CREB5: variants seen among roughly 807,000 people sequenced by gnomAD.
CREB5 encodes cAMP responsive element binding protein 5.
Under a neutral mutation model 57.1 loss-of-function variants are expected in CREB5, and 19 were observed. The observed-to-expected ratio is 0.33, with a 90% confidence interval of 0.23 to 0.49. The LOEUF (loss-of-function observed/expected upper bound fraction) is 0.49. Ranked by LOEUF, CREB5 falls within the 20% of genes least tolerant of loss-of-function variation. The pLI, the probability that CREB5 is intolerant of heterozygous loss-of-function variation, is 0.99. For missense variants in CREB5, 579 were observed against 671.6 expected, an observed-to-expected ratio of 0.86 and a Z score of 1.52; for synonymous variants, 238 against 238.3, an observed-to-expected ratio of 1.00 and a Z score of 0.01.
intron 1 of CREB5, among the ~76,000 whole-genome samples, chr7:28,399,430 A>T (rs1787404525): frequency 6.6e-6 from 1 of 151,892 alleles, no homozygotes; most frequent in Non-Finnish European, 1.5e-5. Flanking sequence ...AAAAAAAAAA[A>T]AAAAAAGACA....
intron 1 of CREB5, among the ~76,000 whole-genome samples, chr7:28,382,364 G>A (rs887620): frequency 0.15 from 22,658 of 152,046 alleles, 2,163 homozygotes; most frequent in Non-Finnish European, 0.19. Flanking sequence ...AAACCATCTG[G>A]GTTTCACTTT....
intron 1 of CREB5, among the ~76,000 whole-genome samples, chr7:28,311,816 A>G (rs1785282631): frequency 6.6e-6 from 1 of 152,232 alleles, no homozygotes; most frequent in South Asian, 2.1e-4. Context: ...GTTGCTGACC[A>G]GAACCTTCTC....
chr7:28,818,083 A>G lies in CREB5; in HGVS notation c.1267A>G (p.Met423Val), dbSNP rs1343531182. 3.1e-6 allele frequency: 5 copies of G among 1,613,336 alleles called. No individual in the cohort carries two copies. The highest frequency in any genetic ancestry group is 4.2e-6 in the Non-Finnish European group (5 of 1,179,442). ...TNMQLQNEVS[M>V]LKNEVAQLKQ... ...ATATCTCTTTTAGAATGAAGTGTCT[A>G]TGTTGAAAAATGAGGTGGCCCAGCT... The change falls in exon 10 of 11, where the codon ATG becomes GTG. Residue 423 changes from methionine (M) to valine (V), a missense_variant. Coordinates refer to ENST00000357727, the MANE Select transcript of CREB5 (RefSeq NM_182898.4).
At chr7:28,712,668 G>T (rs1427620127) in intron 5 of CREB5, among the ~76,000 whole-genome samples, 1 of 151,086 alleles carries the variant, frequency 6.6e-6, no homozygotes, top group African/African-American at 2.4e-5. Context: ...CGAGTAGCTG[G>T]GATTACAGGT....
At chr7:28,794,923 T>G (rs1313919674) in intron 7 of CREB5, among the ~76,000 whole-genome samples, 2 of 152,124 alleles carry the variant, frequency 1.3e-5, no homozygotes, top group African/African-American at 4.8e-5. Context: ...AAAATAGAAA[T>G]AGCATGCCTG....
upstream of CREB5, chr7:28,409,751 C>G: frequency 2.7e-6 from 1 of 368,698 alleles, no homozygotes; most frequent in South Asian, 2.0e-5. The surrounding 1 kb of genome is among the most constrained non-coding windows in gnomAD (Gnocchi z 4.4). Flanking sequence ...TGCCGGAGCG[C>G]TCGGTGGCCG....
In CREB5 at chr7:28,795,807, C is replaced by T. The variant is rs375342878; in HGVS notation, c.703-8392C>T. Among the ~76,000 whole-genome samples, 33 of 145,126 alleles carry T rather than the reference C, an allele frequency of 2.3e-4. No individual in the cohort carries two copies. The East Asian group carries it at 6.2e-3, about 27-fold the overall frequency. ...TTGCTCTGTTGCCCAGGCTGGAGTG[C>T]AGTGGCATGATCTCGGCTCACTGCA... is the stretch of plus-strand genomic sequence containing the variant. On this transcript the variant is annotated intron_variant, in intron 7 of 10. Coordinates refer to ENST00000357727, the MANE Select transcript of CREB5 (RefSeq NM_182898.4).
chr7:28,633,405 A>C (rs1244384615), intron 5 of CREB5, among the ~76,000 whole-genome samples: 4 of 152,104 alleles, frequency 2.6e-5, no homozygotes, highest in African/African-American at 9.7e-5. Flanking sequence ...GTGTGTAATG[A>C]AATATAGAAA....
chr7:28,782,856 C>A (rs937566219), intron 7 of CREB5, among the ~76,000 whole-genome samples: 2 of 152,178 alleles, frequency 1.3e-5, no homozygotes, highest in Non-Finnish European at 2.9e-5. Context: ...TGCGGGGCGA[C>A]AGTCCAGGAG....
At chr7:28,457,909 T>TA (rs1790180853) in intron 1 of CREB5, among the ~76,000 whole-genome samples, 1 of 152,084 alleles carries the variant, frequency 6.6e-6, no homozygotes, top group Non-Finnish European at 1.5e-5. Flanking sequence ...AGGTGGGGTG[T>TA]ACAAACAGGC....
At chr7:28,365,480 C>T (rs1786568351) in intron 1 of CREB5, among the ~76,000 whole-genome samples, 1 of 152,160 alleles carries the variant, frequency 6.6e-6, no homozygotes. Context: ...TGAACTCTTC[C>T]CATCAGCAAA....
At chr7:28,395,971 T>C (rs1173636054) in intron 1 of CREB5, among the ~76,000 whole-genome samples, 1 of 152,190 alleles carries the variant, frequency 6.6e-6, no homozygotes, top group Non-Finnish European at 1.5e-5. Flanking sequence ...AAGTCAGAAG[T>C]GTGATGCAGA....
intron 4 of CREB5, among the ~76,000 whole-genome samples, chr7:28,561,947 TGTTGGCCAG>T (rs1433914262): frequency 6.6e-6 from 1 of 152,224 alleles, no homozygotes; most frequent in Non-Finnish European, 1.5e-5. Flanking sequence ...GTTTTCGCCA[TGTTGGCCAG>T]GCTGGTCTTG....
intron 5 of CREB5, among the ~76,000 whole-genome samples, chr7:28,700,971 A>C (rs1267723307): frequency 6.6e-6 from 1 of 151,760 alleles, no homozygotes; most frequent in Admixed American, 6.6e-5. Context: ...AAAAAAAAAA[A>C]AAAAACAACC....
intron 5 of CREB5, among the ~76,000 whole-genome samples, chr7:28,620,650 G>A (rs1797758932): frequency 6.6e-6 from 1 of 152,112 alleles, no homozygotes; most frequent in Non-Finnish European, 1.5e-5. Flanking sequence ...TCCATAACTG[G>A]CCTCAGGCTC....
At chr7:28,806,058 G>A (rs186069129) in intron 8 of CREB5, among the ~76,000 whole-genome samples, 2 of 151,858 alleles carry the variant, frequency 1.3e-5, no homozygotes, top group East Asian at 3.9e-4. Context: ...ATTCACATTT[G>A]TACTTAGTTT....
intron 5 of CREB5, among the ~76,000 whole-genome samples, chr7:28,704,571 A>T (rs1014122495): frequency 1.3e-5 from 2 of 151,678 alleles, no homozygotes; most frequent in African/African-American, 4.9e-5. Flanking sequence ...TGATCCTCCC[A>T]CCTTAGCCTC....
chr7:28,787,358 G>C (rs917179076), intron 7 of CREB5, among the ~76,000 whole-genome samples: 2 of 152,210 alleles, frequency 1.3e-5, no homozygotes, highest in African/African-American at 2.4e-5. Context: ...TGCCAGACTA[G>C]TCCCTAGGGC....
chr7:28,301,317 T>C (rs762444370), intron 1 of CREB5, among the ~76,000 whole-genome samples: 6 of 152,302 alleles, frequency 3.9e-5, no homozygotes, highest in Middle Eastern at 3.4e-3. Context: ...GAGCAAACTT[T>C]AGTGTTGACC....
Sources: allele counts gnomAD v4.1 joint callset (sites outside exome capture counted in the v4.1 genomes callset), GRCh38; gene constraint gnomAD v4.1.1; non-coding constraint Gnocchi (gnomAD v3.1); transcripts MANE v1.5; gene names NCBI Gene and HGNC (gene_info 2026-07-23, HGNC 2026-07-21).